The following RGS5 variants were observed in gnomAD, a reference collection of about 807,000 sequenced individuals.
RGS5 encodes regulator of G-protein signalling 5.
Under a neutral mutation model 18.9 loss-of-function variants are expected in RGS5, and 20 were observed. The observed-to-expected ratio is 1.06, with a 90% CI of 0.74 to 1.54. RGS5 has a LOEUF of 1.54. RGS5 is among the 40% of genes most tolerant of loss of function. The pLI, the probability that RGS5 is intolerant of heterozygous loss-of-function variation, is 0.00. For missense variants in RGS5, 201 were observed against 211.8 expected, an observed-to-expected ratio of 0.95 and a Z score of 0.32; for synonymous variants, 57 against 76.2, an observed-to-expected ratio of 0.75 and a Z score of 1.31.
At chr1:163,266,522 C>T (rs896802684) in intron 2 of RGS5, 2 of 152,148 alleles carry the variant, frequency 1.3e-5, no homozygotes, top group African/African-American at 4.8e-5. Context: ...TATAATCTAT[C>T]TCCATGCTTT....
chr1:163,159,292 T>C (rs1176002108), intron 3 of RGS5, among the ~76,000 whole-genome samples: 2 of 152,142 alleles, frequency 1.3e-5, no homozygotes, highest in Non-Finnish European at 2.9e-5. Context: ...AAGACAGGCA[T>C]AGGAAGAAAG....
At position 163,167,655 on chromosome 1, in the gene RGS5, GA is replaced by G. The variant is rs145451071; in HGVS notation, c.155+602del. On this transcript the variant is annotated intron_variant, in intron 2 of 4. Coordinates refer to ENST00000313961, the MANE Select transcript of RGS5 (RefSeq NM_003617.4). ...TCAAGAATATTAATTTATGAATTGG[GA>G]AAAATACCTGGTGTACATTAAATAG... Among the ~76,000 whole-genome samples, 155 of 152,252 alleles carry G rather than the reference GA, an allele frequency of 1.0e-3. No individual in the cohort carries two copies. In the East Asian group the frequency reaches 0.027, roughly 26 times the overall value.
At chr1:163,183,100 C>G (rs1206538682) in intron 1 of RGS5, among the ~76,000 whole-genome samples, 3 of 152,146 alleles carry the variant, frequency 2.0e-5, no homozygotes, top group Non-Finnish European at 2.9e-5. Flanking sequence ...AAATTCATTA[C>G]TACAAACAAC....
At chr1:163,295,195 C>T (rs911925405) in intron 2 of RGS5, among the ~76,000 whole-genome samples, 3 of 152,096 alleles carry the variant, frequency 2.0e-5, no homozygotes, top group African/African-American at 7.2e-5. Flanking sequence ...TTTATAGGAG[C>T]ACCCCAGTCT....
intron 1 of RGS5, among the ~76,000 whole-genome samples, chr1:163,307,350 A>C (rs1453625593): frequency 6.6e-6 from 1 of 152,210 alleles, no homozygotes; most frequent in Non-Finnish European, 1.5e-5. Flanking sequence ...CAAGTGGTAA[A>C]ATAGTTGGAG....
intron 2 of RGS5, among the ~76,000 whole-genome samples, chr1:163,165,821 G>A (rs969731065): frequency 1.3e-5 from 2 of 152,022 alleles, no homozygotes; most frequent in African/African-American, 2.4e-5. Flanking sequence ...CAGGAGAATC[G>A]CTTGAACCCG....
intron 1 of RGS5, among the ~76,000 whole-genome samples, chr1:163,318,669 T>C (rs1427753953): frequency 1.3e-5 from 2 of 151,536 alleles, no homozygotes. Context: ...ATTTAATGGG[T>C]AGGCAGAGAA....
intron 2 of RGS5, chr1:163,244,358 A>G (rs560889168): frequency 6.6e-6 from 1 of 152,310 alleles, no homozygotes; most frequent in African/African-American, 2.4e-5. Flanking sequence ...TTCACTATAT[A>G]CTTATTAATG....
intron 2 of RGS5, among the ~76,000 whole-genome samples, chr1:163,226,046 G>A (rs1036513552): frequency 5.9e-5 from 9 of 151,804 alleles, no homozygotes; most frequent in African/African-American, 1.2e-4. Flanking sequence ...TCAGCCTCCC[G>A]AGTAGCTGGA....
chr1:163,165,895 A>T (rs1041082543), intron 2 of RGS5, among the ~76,000 whole-genome samples: 1 of 125,646 alleles, frequency 8.0e-6, no homozygotes, highest in South Asian at 3.2e-4. Context: ...AAAAGAGCGA[A>T]ATTCCGTCTC....
intron 1 of RGS5, among the ~76,000 whole-genome samples, chr1:163,216,934 G>C (rs1398783138): frequency 6.6e-6 from 1 of 152,106 alleles, no homozygotes; most frequent in East Asian, 1.9e-4. Flanking sequence ...AACTCCACTG[G>C]GTTTTTAATG....
At chr1:163,230,350 C>CGAGG (rs1647445600) in intron 2 of RGS5, among the ~76,000 whole-genome samples, 1 of 151,926 alleles carries the variant, frequency 6.6e-6, no homozygotes, top group African/African-American at 2.4e-5. Context: ...TTTTTCAATC[C>CGAGG]TATTTTCTCC....
chr1:163,261,798 T>C (rs1463322451), intron 2 of RGS5, among the ~76,000 whole-genome samples: 3 of 152,138 alleles, frequency 2.0e-5, no homozygotes, highest in Non-Finnish European at 4.4e-5. Flanking sequence ...GTAAAGAAAA[T>C]GGGAACACAT....
At chr1:163,279,382 C>T (rs573103924) in intron 2 of RGS5, among the ~76,000 whole-genome samples, 2 of 151,740 alleles carry the variant, frequency 1.3e-5, no homozygotes, top group African/African-American at 4.8e-5. Flanking sequence ...GGAAACTGTA[C>T]AAATAATAGA....
At chr1:163,265,735 G>T (rs1434693173) in intron 2 of RGS5, among the ~76,000 whole-genome samples, 1 of 152,024 alleles carries the variant, frequency 6.6e-6, no homozygotes, top group East Asian at 1.9e-4. Flanking sequence ...TCAGGTTTCA[G>T]TTCACTTATC....
intron 2 of RGS5, among the ~76,000 whole-genome samples, chr1:163,285,586 TA>T (rs1649122503): frequency 1.3e-5 from 2 of 151,738 alleles, no homozygotes; most frequent in African/African-American, 4.8e-5. Context: ...AATATATATA[TA>T]AAAATATATA....
At chr1:163,305,434 T>C (rs1649670486) in intron 2 of RGS5, 1 of 152,448 alleles carries the variant, frequency 6.6e-6, no homozygotes, top group Admixed American at 6.5e-5. Context: ...TGTGGCTGTA[T>C]GAGCTGCTCT....
chr1:163,180,081 G>A (rs1267162278), intron 1 of RGS5, among the ~76,000 whole-genome samples: 1 of 152,112 alleles, frequency 6.6e-6, no homozygotes, highest in Non-Finnish European at 1.5e-5. Context: ...GGAGTGCAGT[G>A]GCATGATATT....
At chr1:163,273,972 T>C (rs1648786142) in intron 2 of RGS5, among the ~76,000 whole-genome samples, 1 of 152,228 alleles carries the variant, frequency 6.6e-6, no homozygotes, top group Non-Finnish European at 1.5e-5. Flanking sequence ...TGTGCCTGCA[T>C]AGCTTAATGT....
Sources: gnomAD v4.1 joint callset for allele counts (sites outside exome capture counted in the v4.1 genomes callset) on GRCh38, gnomAD v4.1.1 for gene constraint, MANE v1.5 for transcripts, NCBI Gene and HGNC (gene_info 2026-07-23, HGNC 2026-07-21) for gene names.